The following RAPGEF2 variants were observed in gnomAD, a reference collection of about 807,000 sequenced individuals.
RAPGEF2 encodes PDZ domain containing guanine nucleotide exchange factor (GEF) 1.
A neutral mutation model predicts 186.7 loss-of-function variants in RAPGEF2; 54 were observed. The observed-to-expected ratio is 0.29, with a 90% CI of 0.23 to 0.36. RAPGEF2 has a LOEUF of 0.36. Ranked by LOEUF, RAPGEF2 falls within the 10% of genes least tolerant of loss-of-function variation. RAPGEF2 has a pLI of 1.00. For synonymous variants in RAPGEF2, 712 were observed against 705.9 expected (o/e 1.01, Z -0.14); for missense variants, 1,532 against 2,045.0 (o/e 0.75, Z 4.84).
chr4:159,157,798 T>C (rs1744287869), intron 1 of RAPGEF2, among the ~76,000 whole-genome samples: 1 of 152,238 alleles, frequency 6.6e-6, no homozygotes, highest in Non-Finnish European at 1.5e-5. Context: ...GCTGCTAGAA[T>C]GTCATGGTTT....
rs762280345 is a variant in RAPGEF2 at position 159,346,838 on chromosome 4, A to G, written c.3552A>G (p.Pro1184=). Residue 1184 remains proline (P), a synonymous_variant, in exon 25 of 30, where the codon CCA becomes CCG. Transcript: ENST00000691494. ...DKKPVKSETS[P]VAPRAGSQQK... is the part of the protein sequence containing the mutation. ...AGCCTGTCAAATCCGAGACCTCTCC[A>G]GTAGCTCCAAGGGCAGGGTCACAAC... 2.7e-5 allele frequency: 43 copies of G among 1,614,090 alleles called. No homozygotes were observed. Among genetic ancestry groups the G allele is most frequent in the Non-Finnish European group, 3.6e-5 (42 of 1,180,038 alleles).
At chr4:159,269,633 C>T (rs754462384) in intron 7 of RAPGEF2, among the ~76,000 whole-genome samples, 5 of 152,014 alleles carry the variant, frequency 3.3e-5, no homozygotes, top group Non-Finnish European at 7.4e-5. Flanking sequence ...TTTTACTTAC[C>T]TTTTTCATAT....
intron 14 of RAPGEF2, 23 bp from the exon 15 acceptor site, chr4:159,331,606 AC>A: frequency 1.2e-6 from 2 of 1,613,326 alleles, no homozygotes; most frequent in African/African-American, 2.7e-5. Flanking sequence ...TTGAGTTGAC[AC>A]TACTGTTTCT....
chr4:159,228,895 A>C (rs1016307542), intron 4 of RAPGEF2, among the ~76,000 whole-genome samples: 6 of 152,228 alleles, frequency 3.9e-5, no homozygotes, highest in African/African-American at 1.4e-4. Flanking sequence ...ATTCTTATAT[A>C]TGTTACTAAT....
chr4:159,222,139 C>T (rs1305318201), intron 4 of RAPGEF2, among the ~76,000 whole-genome samples: 2 of 152,074 alleles, frequency 1.3e-5, no homozygotes, highest in Admixed American at 6.5e-5. Context: ...CATCATATTC[C>T]GATGTGATAC....
chr4:159,267,226 ATT>A, intron 7 of RAPGEF2: 2 of 1,289,110 alleles, frequency 1.6e-6, no homozygotes, highest in Non-Finnish European at 1.0e-6. Flanking sequence ...GGAATTTTTT[ATT>A]TAGAAAAGGA....
chr4:159,137,882 T>C (rs748190559), intron 1 of RAPGEF2, among the ~76,000 whole-genome samples: 1 of 152,182 alleles, frequency 6.6e-6, no homozygotes, highest in Non-Finnish European at 1.5e-5. Flanking sequence ...CCTGTTTGAA[T>C]TGATTTAATG....
chr4:159,332,690 C>CCA lies in RAPGEF2; in HGVS notation c.2129_2130dup (p.Tyr711HisfsTer15). Reference sequence around the variant, plus strand: ...TCGGATCAGTATCTTGCCACAGAAACCATACAAGTAAGCATCTGCATATGT... The same window carrying CCA: ...TCGGATCAGTATCTTGCCACAGAAACCACATACAAGTAAGCATCTGCATATGT... On this transcript the variant is annotated frameshift_variant, in exon 17 of 30. Transcript: ENST00000691494. LOFTEE classifies it high-confidence loss of function. 6.2e-7 allele frequency: 1 copy of CCA among 1,613,966 alleles called. No individual in the cohort carries two copies. Among genetic ancestry groups the CCA allele is most frequent in the Non-Finnish European group, 8.5e-7 (1 of 1,179,942 alleles).
At chr4:159,131,188 G>A (rs1441900731) in intron 1 of RAPGEF2, among the ~76,000 whole-genome samples, 1 of 151,834 alleles carries the variant, frequency 6.6e-6, no homozygotes, top group Non-Finnish European at 1.5e-5. Context: ...TCGGCTCACC[G>A]CAACCTCCGC....
At position 159,278,844 on chromosome 4, in the gene RAPGEF2, C is replaced by T. The variant is rs568903369; in HGVS notation, c.544-25498C>T. 1.5e-3 allele frequency among the ~76,000 whole-genome samples: 225 copies of T among 152,296 alleles called. 1 individual carries two copies. The highest frequency in any genetic ancestry group is 4.5e-3 in the African/African-American group (187 of 41,552). The stretch of plus-strand genomic sequence containing the variant: ...AACCTATAAAGTACTTAGAATAATA[C>T]ACAACCCATAAATACAATTCTTATA... On this transcript the variant is annotated intron_variant, in intron 7 of 29. Transcript: ENST00000691494.
chr4:159,165,060 A>AT lies in RAPGEF2; in HGVS notation c.70-21572dup, dbSNP rs201053406. 6.0e-3 allele frequency among the ~76,000 whole-genome samples: 906 copies of AT among 150,652 alleles called. 25 individuals carry two copies. The highest frequency in any genetic ancestry group is 0.052 in the East Asian group (267 of 5,140). On this transcript the variant is annotated intron_variant, in intron 1 of 29. Transcript: ENST00000691494. ...AAGAGCCTTCTATGTTTCTTAAAGAATTTTTTTTTTCTTTTTTGGGGAAGG... is the reference window on the plus strand; with the variant it reads ...AAGAGCCTTCTATGTTTCTTAAAGAATTTTTTTTTTTCTTTTTTGGGGAAGG...
intron 2 of RAPGEF2, among the ~76,000 whole-genome samples, chr4:159,192,659 G>T (rs544766723): frequency 1.3e-5 from 2 of 152,006 alleles, no homozygotes; most frequent in African/African-American, 4.8e-5. Flanking sequence ...AAAACTCTGG[G>T]ATGAATCAGC....
At chr4:159,159,932 G>T (rs1169098789) in intron 1 of RAPGEF2, among the ~76,000 whole-genome samples, 1 of 152,110 alleles carries the variant, frequency 6.6e-6, no homozygotes, top group Non-Finnish European at 1.5e-5. Context: ...TATAACACAG[G>T]TATTATTGAT....
intron 1 of RAPGEF2, among the ~76,000 whole-genome samples, chr4:159,143,088 G>A (rs1004751122): frequency 3.9e-5 from 6 of 152,106 alleles, no homozygotes; most frequent in African/African-American, 1.4e-4. Context: ...GAAGAAATTT[G>A]TTGCTGGGCT....
At chr4:159,260,795 C>A (rs1219394483) in intron 7 of RAPGEF2, among the ~76,000 whole-genome samples, 1 of 152,184 alleles carries the variant, frequency 6.6e-6, no homozygotes, top group East Asian at 1.9e-4. Context: ...GTTGCCCAGG[C>A]TGGAGTGCAA....
Position 159,355,891 on chromosome 4 carries a change from C to CCCCCCCGCTA in RAPGEF2, c.4691_4692insCCCCCGCTAC (p.Gly1566ArgfsTer12). The CCCCCCCGCTA allele has an allele frequency of 6.5e-7, 1 of 1,550,004 alleles. No individual in the cohort carries two copies. Among genetic ancestry groups the CCCCCCCGCTA allele is most frequent in the Non-Finnish European group, 8.7e-7 (1 of 1,144,818 alleles). ...CAGGTATCGAGAGCCCCCGCCCACC[C>CCCCCCCGCTA]CTCCCGGCTACATTGGAATTCCCAT... On this transcript the variant is annotated frameshift_variant, in exon 29 of 30. Transcript: ENST00000691494. LOFTEE classifies it high-confidence loss of function.
intron 1 of RAPGEF2, among the ~76,000 whole-genome samples, chr4:159,159,441 C>G (rs1299107900): frequency 1.5e-5 from 2 of 137,176 alleles, no homozygotes; most frequent in African/African-American, 2.8e-5. Context: ...CAAGAAAATT[C>G]TTTTATTTTG....
In RAPGEF2 at chr4:159,273,872, T is replaced by C. The variant is rs370104199; in HGVS notation, c.543+30081T>C. ...CAGTGGCGCAGTCTTGGCTCACTGC[T>C]ACCTCCATCTCCCGGGTTCAAGCAG... is the stretch of plus-strand genomic sequence containing the variant. On this transcript the variant is annotated intron_variant, in intron 7 of 29. Coordinates refer to ENST00000691494, the MANE Select transcript of RAPGEF2 (RefSeq NM_001394067.2). 3.0e-3 allele frequency among the ~76,000 whole-genome samples: 455 copies of C among 152,180 alleles called. 3 individuals are homozygous for C. Among genetic ancestry groups the C allele is most frequent in the African/African-American group, 9.9e-3 (413 of 41,522 alleles).
intron 7 of RAPGEF2, among the ~76,000 whole-genome samples, chr4:159,244,288 G>A (rs967133167): frequency 6.6e-6 from 1 of 151,686 alleles, no homozygotes; most frequent in Non-Finnish European, 1.5e-5. Context: ...TTTTTAAAAG[G>A]TTGGTCAAAA....
Sources: allele counts gnomAD v4.1 joint callset (sites outside exome capture counted in the v4.1 genomes callset), GRCh38; gene constraint gnomAD v4.1.1; transcripts MANE v1.5; gene names NCBI Gene and HGNC (gene_info 2026-07-23, HGNC 2026-07-21).